Variants in ACTR6 observed in about 807,000 individuals in gnomAD.
ACTR6 encodes actin-related protein 6.
A neutral mutation model predicts 52.5 loss-of-function variants in ACTR6; 50 were observed. That is an observed-to-expected ratio of 0.95 (90% confidence interval 0.76 to 1.20). The LOEUF is 1.20. Among genes scored for constraint, ACTR6 ranks in the 50% most tolerant of loss-of-function variants. The probability of loss-of-function intolerance (pLI) is 0.00; values close to 1 mark genes in which losing one functional copy is unlikely to be tolerated. For synonymous variants in ACTR6, 135 were observed against 147.2 expected (o/e 0.92, Z 0.60); for missense variants, 344 against 472.4 (o/e 0.73, Z 2.52).
intron 3 of ACTR6, 78 bp downstream of exon 3, chr12:100,205,822 T>G (rs2096114104): frequency 1.2e-6 from 1 of 815,602 alleles, no homozygotes. Context: ...CATTTTAAGA[T>G]TTATAAACTT....
intron 6 of ACTR6, 94 bp from the exon 7 acceptor site, chr12:100,212,162 T>A (rs943630719): frequency 6.0e-6 from 5 of 832,832 alleles, no homozygotes; most frequent in Non-Finnish European, 9.3e-6. Flanking sequence ...AAAAATCAGT[T>A]ACCTGAAAAT....
At position 100,218,399 on chromosome 12, in the gene ACTR6, C is replaced by G. The variant is rs1295302413; in HGVS notation, c.751-16C>G. The G allele has an allele frequency of 6.3e-7, 1 of 1,599,014 alleles. No individual in the cohort carries two copies. The highest frequency in any genetic ancestry group is 1.7e-5 in the Admixed American group (1 of 57,222). On this transcript the variant is annotated splice_polypyrimidine_tract_variant and intron_variant, in intron 8 of 10. Transcript: ENST00000188312. The surrounding 1 kb of genome is among the most constrained non-coding windows in gnomAD (Gnocchi z 4.2). ...AGATAATATAACTTAAACTTTTAAT[C>G]TTCTTTGTCTTTAAGCCAAGGGAAG... is the stretch of plus-strand genomic sequence containing the variant.
chr12:100,209,919 A>C (rs1392695461), intron 4 of ACTR6, among the ~76,000 whole-genome samples, 154 bp from the exon 5 acceptor site: 1 of 152,180 alleles, frequency 6.6e-6, no homozygotes, highest in Non-Finnish European at 1.5e-5. Context: ...CACAATAAAG[A>C]TCTTTTGACA....
At chr12:100,205,639 T>C in intron 2 of ACTR6, 37 bp from the exon 3 acceptor site, 1 of 1,193,264 alleles carries the variant, frequency 8.4e-7, no homozygotes, top group East Asian at 2.7e-5. Flanking sequence ...ATTATTCAAA[T>C]GTTCTTGATA....
intron 9 of ACTR6, among the ~76,000 whole-genome samples, chr12:100,219,705 G>C (rs903665176): frequency 6.6e-6 from 1 of 152,028 alleles, no homozygotes; most frequent in Non-Finnish European, 1.5e-5. Context: ...TTTTACTACA[G>C]TGTCACTCAT....
At chr12:100,212,175 A>T in intron 6 of ACTR6, 81 bp from the exon 7 acceptor site, 1 of 1,021,820 alleles carries the variant, frequency 9.8e-7, no homozygotes, top group Non-Finnish European at 1.4e-6. Flanking sequence ...CTGAAAATTT[A>T]ATTCCAGAAA....
chr12:100,221,126 C>T (rs2096127971), intron 10 of ACTR6, among the ~76,000 whole-genome samples: 1 of 151,972 alleles, frequency 6.6e-6, no homozygotes. Flanking sequence ...CATGAGTTGG[C>T]AAATGCCCTA....
intron 2 of ACTR6, 173 bp downstream of exon 2, chr12:100,205,230 T>C (rs1212452853): frequency 6.0e-6 from 3 of 501,656 alleles, no homozygotes; most frequent in Non-Finnish European, 6.9e-6. Context: ...AGTTACTTAT[T>C]GTGAGTACTG....
chr12:100,213,424 G>C (rs2096121573), intron 8 of ACTR6, among the ~76,000 whole-genome samples: 1 of 151,982 alleles, frequency 6.6e-6, no homozygotes, highest in Non-Finnish European at 1.5e-5. Context: ...CCTTCCTGCT[G>C]GCCATTTCAC....
At chr12:100,208,647 A>G (rs2096117134) in intron 4 of ACTR6, 1 of 451,084 alleles carries the variant, frequency 2.2e-6, no homozygotes, top group Non-Finnish European at 4.4e-6. Context: ...TTTTACTAAT[A>G]TTTCTTCTAA....
chr12:100,208,352 C>T (rs1370253632), intron 4 of ACTR6, among the ~76,000 whole-genome samples: 1 of 151,684 alleles, frequency 6.6e-6, no homozygotes, highest in East Asian at 1.9e-4. Flanking sequence ...GCAATCTCTG[C>T]TCACCCTCCA....
At chr12:100,214,766 G>A (rs2096122697) in intron 8 of ACTR6, among the ~76,000 whole-genome samples, 1 of 151,954 alleles carries the variant, frequency 6.6e-6, no homozygotes, top group African/African-American at 2.4e-5. Context: ...AAAACAAAAA[G>A]TGAAACAGAT....
At chr12:100,206,671 T>C (rs1231214687) in intron 3 of ACTR6, among the ~76,000 whole-genome samples, 2 of 151,644 alleles carry the variant, frequency 1.3e-5, no homozygotes, top group Non-Finnish European at 2.9e-5. Context: ...GTCCTTTTTT[T>C]TTTCTTTTTT....
intron 8 of ACTR6, among the ~76,000 whole-genome samples, chr12:100,217,160 TATGTA>T (rs749950374): frequency 2.4e-4 from 36 of 152,344 alleles, no homozygotes; most frequent in Non-Finnish European, 4.7e-4. Context: ...TGGGATAATG[TATGTA>T]ATATGTTTAA....
intron 8 of ACTR6, among the ~76,000 whole-genome samples, chr12:100,213,366 C>T (rs900908385): frequency 2.0e-5 from 3 of 152,168 alleles, no homozygotes; most frequent in African/African-American, 4.8e-5. Flanking sequence ...GTTGGGATTA[C>T]AGGCGTGAGC....
Position 100,218,109 on chromosome 12 carries a change from G to A in ACTR6, c.751-306G>A, listed in dbSNP as rs1285384936. Among the ~76,000 whole-genome samples, 1 of 152,032 alleles carries A rather than the reference G, an allele frequency of 6.6e-6. No individual in the cohort carries two copies. The highest frequency in any genetic ancestry group is 1.9e-4 in the East Asian group (1 of 5,186). ...TCCGCCTTGACCTCCCAAAGTGCTG[G>A]GATTACAGGTGTGAGCCAGGGCACC... On this transcript the variant is annotated intron_variant, in intron 8 of 10. Transcript: ENST00000188312. The surrounding 1 kb of genome is among the most constrained non-coding windows in gnomAD (Gnocchi z 4.2).
intron 4 of ACTR6, 138 bp from the exon 5 acceptor site, chr12:100,209,935 G>T: frequency 1.6e-6 from 1 of 633,592 alleles, no homozygotes; most frequent in Non-Finnish European, 2.6e-6. Flanking sequence ...TGACAGTTAT[G>T]AATAGTATTA....
intron 10 of ACTR6, among the ~76,000 whole-genome samples, chr12:100,221,131 G>C (rs1208408881): frequency 6.6e-6 from 1 of 151,988 alleles, no homozygotes. Context: ...GTTGGCAAAT[G>C]CCCTATGGTG....
At chr12:100,222,289 C>T (rs1317213101) in intron 10 of ACTR6, among the ~76,000 whole-genome samples, 1 of 139,010 alleles carries the variant, frequency 7.2e-6, no homozygotes, top group Non-Finnish European at 1.5e-5. Flanking sequence ...GACACAGTCT[C>T]GCTCTGTTAC....
Sources: gnomAD v4.1 joint callset for allele counts (sites outside exome capture counted in the v4.1 genomes callset) on GRCh38, gnomAD v4.1.1 for gene constraint, Gnocchi (gnomAD v3.1) non-coding constraint, MANE v1.5 for transcripts, NCBI Gene and HGNC (gene_info 2026-07-23, HGNC 2026-07-21) for gene names.